BLM: variants seen among roughly 807,000 people sequenced by gnomAD.
BLM encodes the protein BLM RecQ like helicase.
A neutral mutation model predicts 135.3 loss-of-function variants in BLM; 95 were observed. That is an observed-to-expected ratio of 0.70 (90% CI 0.59 to 0.83). BLM has a LOEUF of 0.83. Ranked by LOEUF, BLM falls within the 40% of genes least tolerant of loss-of-function variation. BLM has a pLI of 0.00. For missense variants in BLM, 1,518 were observed against 1,663.9 expected (o/e 0.91, Z 1.53); for synonymous variants, 520 against 589.2 (o/e 0.88, Z 1.70).
At chr15:90,798,386 ATC>A (rs769396963) in intron 17 of BLM, 49 bp downstream of exon 17, 7 of 1,572,446 alleles carry the variant, frequency 4.5e-6, no homozygotes, top group Non-Finnish European at 6.1e-6. Context: ...GAAATTGAAC[ATC>A]TAAAGAATTT....
chr15:90,776,207 A>G (rs2151172733), intron 12 of BLM, among the ~76,000 whole-genome samples: 1 of 152,348 alleles, frequency 6.6e-6, no homozygotes, highest in East Asian at 1.9e-4. Context: ...ATTATCTGTC[A>G]ATTGACAACT....
In BLM at chr15:90,782,878, C is replaced by T; in HGVS notation, c.2612C>T (p.Pro871Leu). 6.2e-7 allele frequency: 1 copy of T among 1,613,942 alleles called. No individual in the cohort carries two copies. Among genetic ancestry groups the T allele is most frequent in the Non-Finnish European group, 8.5e-7 (1 of 1,179,876 alleles). ...AAATACTATGTATTACCGAAAAAGC[C>T]TAAAAAGGTGGCATTTGATTGCCTA... ...NLKYYVLPKKPKKVAFDCLEW... is the reference protein window; with the variant it reads ...NLKYYVLPKKLKKVAFDCLEW... Residue 871 changes from proline to leucine, a missense_variant, in exon 13 of 22, where the codon CCT (proline) becomes CTT (leucine). Transcript: ENST00000355112.
chr15:90,754,380 G>A (rs569805582), intron 4 of BLM, among the ~76,000 whole-genome samples: 1 of 152,246 alleles, frequency 6.6e-6, no homozygotes, highest in African/African-American at 2.4e-5. Flanking sequence ...AAAGTGCTTT[G>A]AAATCTCAGA....
rs1200887609 is a variant in BLM, at chr15:90,749,721, C to A, written c.453C>A (p.Ile151=). The A allele has an allele frequency of 1.9e-6, 3 of 1,614,030 alleles. No homozygotes were observed. Among genetic ancestry groups the A allele is most frequent in the Non-Finnish European group, 2.5e-6 (3 of 1,180,006 alleles). ...FSSSPDSLST[I]NDWDDMDDFD... is the part of the protein sequence containing the mutation. ...CTTCACCAGATTCTTTAAGTACCAT[C>A]AATGATTGGGATGATATGGATGACT... is the stretch of plus-strand genomic sequence containing the variant. The change falls in exon 3 of 22, where the codon ATC becomes ATA. Residue 151 remains isoleucine, a synonymous_variant. Coordinates refer to ENST00000355112, the MANE Select transcript of BLM (RefSeq NM_000057.4).
intron 1 of BLM, among the ~76,000 whole-genome samples, chr15:90,739,690 ATTG>A (rs1895313663): frequency 2.0e-5 from 3 of 152,128 alleles, no homozygotes. Context: ...ATGACAAACT[ATTG>A]TTTTTTTGAT....
At chr15:90,782,704 A>G in intron 12 of BLM, 118 bp from the exon 13 acceptor site, 4 of 752,652 alleles carry the variant, frequency 5.3e-6, no homozygotes, top group Non-Finnish European at 9.1e-6. Flanking sequence ...GGAGGCTCCA[A>G]CTCCTAATAC....
intron 2 of BLM, among the ~76,000 whole-genome samples, chr15:90,748,822 G>T (rs923659184): frequency 1.3e-5 from 2 of 150,522 alleles, no homozygotes; most frequent in Non-Finnish European, 3.0e-5. Context: ...CGGCAGTATA[G>T]TCTCGGCTCA....
intron 14 of BLM, among the ~76,000 whole-genome samples, chr15:90,790,064 A>G (rs1896865948): frequency 7.8e-6 from 1 of 127,488 alleles, no homozygotes; most frequent in African/African-American, 3.0e-5. Context: ...ATGAGTTTCC[A>G]TTAAAATTGT....
At chr15:90,769,930 A>C (rs1222648013) in intron 12 of BLM, among the ~76,000 whole-genome samples, 1 of 152,080 alleles carries the variant, frequency 6.6e-6, no homozygotes, top group Admixed American at 6.6e-5. Context: ...CCAGTAATAA[A>C]TTAATTTTTA....
At chr15:90,749,002 A>C (rs1350780579) in intron 2 of BLM, among the ~76,000 whole-genome samples, 1 of 151,112 alleles carries the variant, frequency 6.6e-6, no homozygotes, top group Non-Finnish European at 1.5e-5. Flanking sequence ...CAAGCATTCC[A>C]CCTGCCTCGG....
At chr15:90,794,021 A>G (rs1896967800) in intron 15 of BLM, 146 bp from the exon 16 acceptor site, 3 of 524,154 alleles carry the variant, frequency 5.7e-6, no homozygotes, top group South Asian at 6.9e-5. Flanking sequence ...AGTTAATTAT[A>G]ATATAGAATG....
chr15:90,735,153 C>G (rs959052398), intron 1 of BLM, among the ~76,000 whole-genome samples: 3 of 149,270 alleles, frequency 2.0e-5, no homozygotes, highest in Admixed American at 2.0e-4. Context: ...CTTTAAAACA[C>G]TTCTGAATAA....
intron 4 of BLM, among the ~76,000 whole-genome samples, chr15:90,753,197 T>G (rs1197348856): frequency 6.6e-6 from 1 of 152,046 alleles, no homozygotes; most frequent in East Asian, 1.9e-4. Context: ...ATTATGCCTG[T>G]GAGTAACCAT....
At chr15:90,729,743 C>T (rs1895015904) in intron 1 of BLM, among the ~76,000 whole-genome samples, 1 of 152,226 alleles carries the variant, frequency 6.6e-6, no homozygotes, top group African/African-American at 2.4e-5. Context: ...TCACAACATC[C>T]AAGGATCAGG....
intron 6 of BLM, 137 bp downstream of exon 6, chr15:90,760,416 G>T: frequency 7.4e-7 from 1 of 1,349,112 alleles, no homozygotes; most frequent in Non-Finnish European, 1.0e-6. Context: ...CTATGTTTTT[G>T]ATTTGTTTAC....
chr15:90,770,267 G>A (rs944063109), intron 12 of BLM, among the ~76,000 whole-genome samples: 13 of 145,388 alleles, frequency 8.9e-5, no homozygotes, highest in Admixed American at 4.9e-4. Flanking sequence ...TCTGCCTCCC[G>A]GGGTTCACGC....
intron 21 of BLM, among the ~76,000 whole-genome samples, chr15:90,814,322 A>T (rs1179738530): frequency 1.3e-5 from 2 of 152,194 alleles, no homozygotes; most frequent in African/African-American, 4.8e-5. Context: ...ATCACTGTAA[A>T]CATGCCGGCC....
At chr15:90,771,361 C>A (rs966635918) in intron 12 of BLM, among the ~76,000 whole-genome samples, 2 of 152,092 alleles carry the variant, frequency 1.3e-5, no homozygotes, top group African/African-American at 4.8e-5. Flanking sequence ...CTGGCGTGCG[C>A]CTGTAATCGC....
chr15:90,738,916 T>C (rs1328132237), intron 1 of BLM, among the ~76,000 whole-genome samples: 1 of 152,206 alleles, frequency 6.6e-6, no homozygotes, highest in African/African-American at 2.4e-5. Context: ...TGGAGAACAG[T>C]GTGGTGGTTC....
Sources: gnomAD v4.1 joint callset for allele counts (sites outside exome capture counted in the v4.1 genomes callset) on GRCh38, gnomAD v4.1.1 for gene constraint, MANE v1.5 for transcripts, NCBI Gene and HGNC (gene_info 2026-07-23, HGNC 2026-07-21) for gene names.